The following FAT3 variants were observed in gnomAD, a reference collection of about 807,000 sequenced individuals.
FAT3 encodes the protein protocadherin Fat 3.
Under a neutral mutation model 310.2 loss-of-function variants are expected in FAT3, and 95 were observed. The ratio of observed to expected loss-of-function variants is 0.31; its 90% CI spans 0.26 to 0.36. The LOEUF is 0.36. Among genes scored for constraint, FAT3 ranks in the 10% least tolerant of loss-of-function variants. The pLI, the probability that FAT3 is intolerant of heterozygous loss-of-function variation, is 1.00. For synonymous variants in FAT3, 2,314 were observed against 2,192.9 expected, an observed-to-expected ratio of 1.06 and a Z score of -1.54; for missense variants, 5,408 against 5,715.6, an observed-to-expected ratio of 0.95 and a Z score of 1.74.
At chr11:92,293,059 A>C (rs1459664275) in intron 1 of FAT3, among the ~76,000 whole-genome samples, 11 of 141,922 alleles carry the variant, frequency 7.8e-5, no homozygotes, top group Non-Finnish European at 1.5e-4. Context: ...GAAGGAAGGA[A>C]GGAAGGAAGG....
intron 1 of FAT3, among the ~76,000 whole-genome samples, chr11:92,238,980 T>G (rs1477134887): frequency 6.6e-6 from 1 of 152,186 alleles, no homozygotes; most frequent in African/African-American, 2.4e-5. Context: ...TTTTTGCGTT[T>G]GTTAATAACA....
At chr11:92,705,605 ATGTGGTGG>A (rs1565527242) in intron 4 of FAT3, among the ~76,000 whole-genome samples, 16 of 142 alleles carry the variant, frequency 0.11, no homozygotes, top group African/African-American at 0.27. Flanking sequence ...TGGTGGTGTG[ATGTGGTGG>A]TGGTGGTGTG....
chr11:92,883,479 GAGAC>G lies in FAT3; in HGVS notation c.12937+87_12937+90del. On this transcript the variant is annotated intron_variant, in intron 24 of 27. Coordinates refer to ENST00000525166, the MANE Select transcript of FAT3 (RefSeq NM_001367949.2). The surrounding 1 kb of genome is among the most constrained non-coding windows in gnomAD (Gnocchi z 4.2). ...TGCGAGGACGCTACGGGAAGGGAGA[GAGAC>G]CCCGCATGCAGAGCATTCGCTATGA... 1 of 1,478,914 alleles carries G rather than the reference GAGAC, an allele frequency of 6.8e-7. No individual in the cohort carries two copies. Among genetic ancestry groups the G allele is most frequent in the South Asian group, 1.3e-5 (1 of 75,372 alleles). The allele number at this position is 1,478,914 out of a possible 1,614,324, so 91.6% of individuals were successfully genotyped here.
In FAT3 at chr11:92,323,403, A is replaced by G. The variant is rs147718286; in HGVS notation, c.-17-28693A>G. On this transcript the variant is annotated intron_variant, in intron 1 of 27. Transcript: ENST00000525166. The stretch of plus-strand genomic sequence containing the variant: ...AACTGGGACAGAAGTGCATGTCACC[A>G]TGCCTGGATAATTTTTTAATTTTTA... Among the ~76,000 whole-genome samples the G allele has an allele frequency of 5.8e-3, 887 of 152,064 alleles. 5 individuals are homozygous for G. Among genetic ancestry groups the G allele is most frequent in the South Asian group, 0.018 (87 of 4,800 alleles).
intron 4 of FAT3, among the ~76,000 whole-genome samples, chr11:92,702,818 A>C (rs1189784769): frequency 1.3e-5 from 2 of 152,212 alleles, no homozygotes. Flanking sequence ...GGTTCTGATA[A>C]AAGTCTCCCA....
intron 3 of FAT3, among the ~76,000 whole-genome samples, chr11:92,616,124 A>G (rs1381491264): frequency 6.6e-6 from 1 of 152,160 alleles, no homozygotes; most frequent in Non-Finnish European, 1.5e-5. Flanking sequence ...GTCTCTTTGT[A>G]GGTCTCTAAA....
intron 3 of FAT3, among the ~76,000 whole-genome samples, chr11:92,623,614 T>G (rs1941190279): frequency 2.0e-5 from 3 of 152,172 alleles, no homozygotes; most frequent in African/African-American, 7.2e-5. Context: ...TTATAACATT[T>G]AGGGTGTAAC....
intron 3 of FAT3, among the ~76,000 whole-genome samples, chr11:92,657,951 A>G (rs1235531949): frequency 1.3e-5 from 2 of 152,228 alleles, no homozygotes; most frequent in Non-Finnish European, 2.9e-5. Flanking sequence ...AATAGGAGCC[A>G]TATATGTAAT....
intron 2 of FAT3, among the ~76,000 whole-genome samples, chr11:92,502,087 T>A (rs1178727124): frequency 6.6e-6 from 1 of 152,066 alleles, no homozygotes; most frequent in Non-Finnish European, 1.5e-5. Context: ...ATAGTTAATT[T>A]TGTGAAAGAA....
At chr11:92,345,837 C>G (rs1351208489) in intron 1 of FAT3, among the ~76,000 whole-genome samples, 1 of 152,054 alleles carries the variant, frequency 6.6e-6, no homozygotes, top group Non-Finnish European at 1.5e-5. Context: ...AATCACATAA[C>G]CTGTCTCAAT....
intron 2 of FAT3, chr11:92,403,395 A>G (rs982759290): frequency 1.4e-4 from 21 of 152,106 alleles, no homozygotes; most frequent in Non-Finnish European, 2.8e-4. Context: ...ATTTTTCCCT[A>G]AAAAGGAATG....
chr11:92,379,011 T>C (rs1949422682), intron 2 of FAT3, among the ~76,000 whole-genome samples: 1 of 152,190 alleles, frequency 6.6e-6, no homozygotes, highest in African/African-American at 2.4e-5. Context: ...ATAGGAAATT[T>C]GGGTGCACAA....
At chr11:92,227,949 GA>G (rs1863991961) in intron 1 of FAT3, among the ~76,000 whole-genome samples, 1 of 151,536 alleles carries the variant, frequency 6.6e-6, no homozygotes. Flanking sequence ...TTTACAAGGA[GA>G]AAAGTTGTCT....
chr11:92,879,904 T>A (rs1163065562), intron 22 of FAT3, among the ~76,000 whole-genome samples: 1 of 152,158 alleles, frequency 6.6e-6, no homozygotes, highest in East Asian at 1.9e-4. Flanking sequence ...TAGAACTGCC[T>A]TCCTCTTTAC....
intron 2 of FAT3, among the ~76,000 whole-genome samples, chr11:92,384,183 G>T (rs73548423): frequency 0.015 from 2,236 of 152,150 alleles, 56 homozygotes; most frequent in African/African-American, 0.052. Context: ...TTTTTTGGGA[G>T]CAGTGCAGAG....
rs374498968 is a variant in FAT3, at chr11:92,469,161, G to A, written c.3293-55473G>A. Among the ~76,000 whole-genome samples the A allele has an allele frequency of 9.2e-5, 14 of 152,162 alleles. No homozygotes were observed. In the East Asian group the frequency reaches 2.7e-3, roughly 30 times the overall value. On this transcript the variant is annotated intron_variant, in intron 2 of 27. Coordinates refer to ENST00000525166, the MANE Select transcript of FAT3 (RefSeq NM_001367949.2). ...ATTAAAAAATAAAAGGCAGGCATGT[G>A]GGATCTTGATTGTTTCATTCAAAAA...
At chr11:92,370,150 T>G (rs941532650) in intron 2 of FAT3, among the ~76,000 whole-genome samples, 1 of 152,214 alleles carries the variant, frequency 6.6e-6, no homozygotes, top group Non-Finnish European at 1.5e-5. Flanking sequence ...TTAATCATAA[T>G]ATGCACATTA....
intron 3 of FAT3, among the ~76,000 whole-genome samples, chr11:92,629,353 C>A (rs1941461035): frequency 1.3e-5 from 2 of 151,622 alleles, no homozygotes; most frequent in Admixed American, 1.3e-4. Flanking sequence ...CAGTGGATAT[C>A]TCTGCCTGGG....
At chr11:92,293,754 T>C (rs1946773708) in intron 1 of FAT3, among the ~76,000 whole-genome samples, 2 of 151,500 alleles carry the variant, frequency 1.3e-5, no homozygotes, top group South Asian at 4.2e-4. Context: ...GGACTGCAGG[T>C]ATGTTGATAG....
Sources: allele counts gnomAD v4.1 joint callset (sites outside exome capture counted in the v4.1 genomes callset), GRCh38; gene constraint gnomAD v4.1.1; non-coding constraint Gnocchi (gnomAD v3.1); transcripts MANE v1.5; gene names NCBI Gene and HGNC (gene_info 2026-07-23, HGNC 2026-07-21).